The following OR2A12 variants were observed in gnomAD, a reference collection of about 807,000 sequenced individuals.
OR2A12 encodes olfactory receptor 2A12.
For missense variants in OR2A12, 380 were observed against 372.5 expected (o/e 1.02, Z -0.17); for synonymous variants, 153 against 149.3 (o/e 1.02, Z -0.18).
Position 144,095,383 on chromosome 7 carries a change from C to T in OR2A12, c.276C>T (p.Ser92=), listed in dbSNP as rs1243843510. The change falls in exon 2 of 2, where the codon TCC becomes TCT. Residue 92 remains serine (S), a synonymous_variant. Coordinates refer to ENST00000641592, the MANE Select transcript of OR2A12 (RefSeq NM_001004135.2). ...TTGTGATGCACAAAAAAGTCATCTC[C>T]TTTGCTCCTTGCATACTTCAGACTT... The part of the protein sequence containing the change: ...ANLVMHKKVI[S]FAPCILQTFL... 6.2e-7 allele frequency: 1 copy of T among 1,614,076 alleles called. No homozygotes were observed. Among genetic ancestry groups the T allele is most frequent in the Admixed American group, 1.7e-5 (1 of 60,026 alleles).
At chr7:144,088,599 C>T (rs1185406890) in intron 1 of OR2A12, among the ~76,000 whole-genome samples, 1 of 152,186 alleles carries the variant, frequency 6.6e-6, no homozygotes, top group Non-Finnish European at 1.5e-5. Context: ...GGTTTAGAAT[C>T]TTTACAAAAC....
Position 144,089,990 on chromosome 7 carries a change from C to T in OR2A12, c.-52+3447C>T, listed in dbSNP as rs559696396. Among the ~76,000 whole-genome samples, 19 of 152,170 alleles carry T rather than the reference C, an allele frequency of 1.2e-4. 1 individual carries two copies. Among genetic ancestry groups the T allele is most frequent in the Admixed American group, 1.2e-3 (19 of 15,294 alleles). On this transcript the variant is annotated intron_variant, in intron 1 of 1. Transcript: ENST00000641592. ...GGGCTATATTGAGGATCTATAGGTC[C>T]TCAGTGCCCTTCTGATTTGTATATC...
chr7:144,095,254 C>A lies in OR2A12; in HGVS notation c.147C>A (p.Tyr49Ter). The part of the protein sequence containing the change: ...MGNGIILGLI[Y>*]LDSRLHTPMY... The stretch of plus-strand genomic sequence containing the variant: ...ATGGGATTATCCTGGGGCTCATCTA[C>A]TTGGACTCTAGACTGCACACACCCA... The change falls in exon 2 of 2, where the codon TAC becomes TAA. Residue 49 changes from tyrosine (Y) to a stop codon, truncating the protein, a stop_gained. Transcript: ENST00000641592. LOFTEE classifies it low-confidence loss of function (END_TRUNC). 6.2e-7 allele frequency: 1 copy of A among 1,614,038 alleles called. No homozygotes were observed. The highest frequency in any genetic ancestry group is 1.3e-5 in the African/African-American group (1 of 74,994).
In OR2A12 at chr7:144,096,172, T is replaced by A; in HGVS notation, c.*132T>A. On this transcript the variant is annotated 3_prime_UTR_variant, in exon 2 of 2. Coordinates refer to ENST00000641592, the MANE Select transcript of OR2A12 (RefSeq NM_001004135.2). ...TTAGACTTCTTATAAAAAGAGAAACTGGCCTGGCGTGGTGGCTGAAGCCTG... is the reference window on the plus strand; with the variant it reads ...TTAGACTTCTTATAAAAAGAGAAACAGGCCTGGCGTGGTGGCTGAAGCCTG... 1 of 712,662 alleles carries A rather than the reference T, an allele frequency of 1.4e-6. No homozygotes were observed. Among genetic ancestry groups the A allele is most frequent in the South Asian group, 2.0e-5 (1 of 50,052 alleles). 44.1% of individuals were successfully genotyped at this position (712,662 alleles called of 1,614,324 possible). A position where few individuals can be genotyped will look rare whatever the true frequency, so the allele number is the denominator to read the frequency against.
Position 144,098,144 on chromosome 7 carries a change from T to C in OR2A12, c.*2104T>C, listed in dbSNP as rs1305637983. The stretch of plus-strand genomic sequence containing the variant: ...ATATTTCAGAGTCTCATGCATTGTC[T>C]TGACTAGGTGACTTTCAATCATATC... On this transcript the variant is annotated 3_prime_UTR_variant, in exon 2 of 2. Coordinates refer to ENST00000641592, the MANE Select transcript of OR2A12 (RefSeq NM_001004135.2). 6.6e-6 allele frequency: 1 copy of C among 152,208 alleles called. No individual in the cohort carries two copies. Among genetic ancestry groups the C allele is most frequent in the Non-Finnish European group, 1.5e-5 (1 of 68,036 alleles). 9.4% of individuals were successfully genotyped at this position (152,208 alleles called of 1,614,324 possible). A position where few individuals can be genotyped will look rare whatever the true frequency, so the allele number is the denominator to read the frequency against.
intron 1 of OR2A12, among the ~76,000 whole-genome samples, chr7:144,093,681 T>A (rs10226127): frequency 0.6 from 86,502 of 144,460 alleles, 26,245 homozygotes; most frequent in East Asian, 0.73. Context: ...CTTGTGTCCA[T>A]GTGTTCTCAT....
In OR2A12 at chr7:144,096,193, G is replaced by C. The variant is rs1396335545; in HGVS notation, c.*153G>C. The C allele has an allele frequency of 3.2e-6, 2 of 616,704 alleles. No individual in the cohort carries two copies. Among genetic ancestry groups the C allele is most frequent in the African/African-American group, 3.7e-5 (2 of 54,058 alleles). 38.2% of individuals were successfully genotyped at this position (616,704 alleles called of 1,614,324 possible). A position where few individuals can be genotyped will look rare whatever the true frequency, so the allele number is the denominator to read the frequency against. On this transcript the variant is annotated 3_prime_UTR_variant, in exon 2 of 2. Coordinates refer to ENST00000641592, the MANE Select transcript of OR2A12 (RefSeq NM_001004135.2). ...AAACTGGCCTGGCGTGGTGGCTGAA[G>C]CCTGTAATCCCAACACTTTGGGAGG...
At position 144,095,788 on chromosome 7, in the gene OR2A12, CCAGT is replaced by C. The variant is rs958461378; in HGVS notation, c.683_686del (p.Gln228LeufsTer56). 1.9e-6 allele frequency: 3 copies of C among 1,614,108 alleles called. No homozygotes were observed. In the Admixed American group the frequency reaches 5.0e-5, roughly 27 times the overall value. On this transcript the variant is annotated frameshift_variant, in exon 2 of 2. Transcript: ENST00000641592. LOFTEE classifies it low-confidence loss of function (END_TRUNC). ...ACATCCTGGTGGCCATCTTGAGGAT[CCAGT>C]CTGGGGAGGGCCGCAGAAAGGCCTT...
intron 1 of OR2A12, among the ~76,000 whole-genome samples, chr7:144,091,757 T>C (rs1217724905): frequency 6.6e-6 from 1 of 152,230 alleles, no homozygotes; most frequent in Non-Finnish European, 1.5e-5. Context: ...ATTAGACCTT[T>C]GTCAGATGTA....
intron 1 of OR2A12, among the ~76,000 whole-genome samples, chr7:144,090,164 T>A (rs1054557789): frequency 6.6e-6 from 1 of 151,428 alleles, no homozygotes; most frequent in Non-Finnish European, 1.5e-5. Flanking sequence ...TCTCTGTCAG[T>A]GGAATTGTTG....
chr7:144,096,085 A>G lies in OR2A12; in HGVS notation c.*45A>G, dbSNP rs758797593. Reference sequence around the variant, plus strand: ...TGAGTGTGTAAGCATGGTTCTCATGACCCTGGGTCCTGAAATTTCCTTTTT... The same window carrying G: ...TGAGTGTGTAAGCATGGTTCTCATGGCCCTGGGTCCTGAAATTTCCTTTTT... On this transcript the variant is annotated 3_prime_UTR_variant, in exon 2 of 2. Transcript: ENST00000641592. 1 of 1,381,720 alleles carries G rather than the reference A, an allele frequency of 7.2e-7. No individual in the cohort carries two copies. The highest frequency in any genetic ancestry group is 2.3e-5 in the East Asian group (1 of 43,602). 85.6% of individuals were successfully genotyped at this position (1,381,720 alleles called of 1,614,324 possible). A position where few individuals can be genotyped will look rare whatever the true frequency, so the allele number is the denominator to read the frequency against.
rs2128803466 is a variant in OR2A12, at chr7:144,097,344, G to A, written c.*1304G>A. ...AAAGAGACAATTAAAAATTTATTGAGAGACTATGGTAAATAAATAGATACA... is the reference window on the plus strand; with the variant it reads ...AAAGAGACAATTAAAAATTTATTGAAAGACTATGGTAAATAAATAGATACA... On this transcript the variant is annotated 3_prime_UTR_variant, in exon 2 of 2. Coordinates refer to ENST00000641592, the MANE Select transcript of OR2A12 (RefSeq NM_001004135.2). 6.6e-6 allele frequency: 1 copy of A among 152,236 alleles called. No individual in the cohort carries two copies. The highest frequency in any genetic ancestry group is 1.5e-5 in the Non-Finnish European group (1 of 68,020). The allele number at this position is 152,236 out of a possible 1,614,324, so 9.4% of individuals were successfully genotyped here. A position where few individuals can be genotyped will look rare whatever the true frequency, so the allele number is the denominator to read the frequency against.
Position 144,095,245 on chromosome 7 carries a change from G to T in OR2A12, c.138G>T (p.Gly46=). 1 of 1,613,938 alleles carries T rather than the reference G, an allele frequency of 6.2e-7. No homozygotes were observed. Among genetic ancestry groups the T allele is most frequent in the Non-Finnish European group, 8.5e-7 (1 of 1,179,942 alleles). Residue 46 remains glycine, a synonymous_variant, in exon 2 of 2, where the codon GGG becomes GGT. Coordinates refer to ENST00000641592, the MANE Select transcript of OR2A12 (RefSeq NM_001004135.2). ...LTLMGNGIIL[G]LIYLDSRLHT... ...TGATGGGAAATGGGATTATCCTGGG[G>T]CTCATCTACTTGGACTCTAGACTGC...
rs1304337601 is a variant in OR2A12 at position 144,089,564 on chromosome 7, T to A, written c.-52+3021T>A. Among the ~76,000 whole-genome samples the A allele has an allele frequency of 3.3e-5, 5 of 150,802 alleles. No individual in the cohort carries two copies. The East Asian group carries it at 5.8e-4, about 17-fold the overall frequency. The stretch of plus-strand genomic sequence containing the variant: ...TTGTGTTTTCTATTTGTCAAAAAAA[T>A]TGCTTTTTTTTCTTTTTTGGCCTGC... On this transcript the variant is annotated intron_variant, in intron 1 of 1. Coordinates refer to ENST00000641592, the MANE Select transcript of OR2A12 (RefSeq NM_001004135.2).
At chr7:144,094,023 T>G (rs2051244221) in intron 1 of OR2A12, among the ~76,000 whole-genome samples, 1 of 152,200 alleles carries the variant, frequency 6.6e-6, no homozygotes, top group Admixed American at 6.5e-5. Context: ...TTTAATTGCA[T>G]CTTCAATGAA....
At chr7:144,092,124 C>G (rs1188917471) in intron 1 of OR2A12, among the ~76,000 whole-genome samples, 4 of 152,064 alleles carry the variant, frequency 2.6e-5, no homozygotes, top group African/African-American at 9.7e-5. Flanking sequence ...TTCCCCATTG[C>G]TTTTTTCAGT....
At chr7:144,093,227 T>C (rs1208300245) in intron 1 of OR2A12, among the ~76,000 whole-genome samples, 1 of 152,188 alleles carries the variant, frequency 6.6e-6, no homozygotes, top group Non-Finnish European at 1.5e-5. Flanking sequence ...TCGAACATTT[T>C]TGGTGAAATC....
At chr7:144,086,696 C>A (rs1440347472) in intron 1 of OR2A12, among the ~76,000 whole-genome samples, 153 bp downstream of exon 1, 1 of 152,166 alleles carries the variant, frequency 6.6e-6, no homozygotes, top group East Asian at 1.9e-4. Flanking sequence ...CAGGTGCAGG[C>A]AATTCAGCTC....
At position 144,095,659 on chromosome 7, in the gene OR2A12, C is replaced by T. The variant is rs565722500; in HGVS notation, c.552C>T (p.Phe184=). ...TTTTCTGTCAAATCATGTCCGTATTCAAATTGGCCTGTGCTGACACTAGGC... is the reference window on the plus strand; with the variant it reads ...TTTTCTGTCAAATCATGTCCGTATTTAAATTGGCCTGTGCTGACACTAGGC... The part of the protein sequence containing the change: ...NHFFCQIMSV[F]KLACADTRLN... The change falls in exon 2 of 2, where the codon TTC becomes TTT. Residue 184 remains phenylalanine (F), a synonymous_variant. Transcript: ENST00000641592. The T allele has an allele frequency of 6.8e-6, 11 of 1,614,148 alleles. No individual in the cohort carries two copies. The highest frequency in any genetic ancestry group is 6.7e-5 in the Admixed American group (4 of 60,024).
Sources: allele counts gnomAD v4.1 joint callset (sites outside exome capture counted in the v4.1 genomes callset), GRCh38; gene constraint gnomAD v4.1.1; transcripts MANE v1.5; gene names NCBI Gene and HGNC (gene_info 2026-07-23, HGNC 2026-07-21).